BIN3: variants seen among roughly 807,000 people sequenced by gnomAD.
The protein encoded by BIN3 is bridging integrator 3.
BIN3 carries 41 observed loss-of-function variants against 38.2 expected under a neutral mutation model. The ratio of observed to expected loss-of-function variants is 1.07; its 90% CI spans 0.84 to 1.39. BIN3 has a LOEUF of 1.39. BIN3 is among the 40% of genes most tolerant of loss of function. The probability of loss-of-function intolerance (pLI) is 0.00; values close to 1 mark genes in which losing one functional copy is unlikely to be tolerated. For missense variants in BIN3, 361 were observed against 324.3 expected (o/e 1.11, Z -0.87); for synonymous variants, 145 against 122.6 (o/e 1.18, Z -1.21).
intron 2 of BIN3, among the ~76,000 whole-genome samples, chr8:22,637,511 C>T (rs964833901): frequency 1.3e-5 from 2 of 152,220 alleles, no homozygotes; most frequent in African/African-American, 4.8e-5. Flanking sequence ...CAAACACAGA[C>T]ACTGTGACTA....
chr8:22,657,542 A>G (rs1355034827), intron 1 of BIN3, among the ~76,000 whole-genome samples: 1 of 152,268 alleles, frequency 6.6e-6, no homozygotes, highest in Non-Finnish European at 1.5e-5. Flanking sequence ...CCAAGAGGAT[A>G]TATGAAAGGA....
chr8:22,652,869 C>G (rs1802947187), intron 1 of BIN3, among the ~76,000 whole-genome samples: 1 of 152,104 alleles, frequency 6.6e-6, no homozygotes, highest in Non-Finnish European at 1.5e-5. Context: ...TTGGTTGCCT[C>G]TTCATGTGAT....
Position 22,624,605 on chromosome 8 carries a change from G to A in BIN3, c.339-242C>T, listed in dbSNP as rs575671098. On this transcript the variant is annotated intron_variant, in intron 6 of 8. Transcript: ENST00000276416. ...AGGCCCTGTCCCCTGGAGCTTGTGC[G>A]AACGTGGACAATGTCATGGGGTGAG... The A allele has an allele frequency of 6.3e-4, 324 of 511,264 alleles. 1 individual carries two copies. Among genetic ancestry groups the A allele is most frequent in the East Asian group, 2.6e-3 (77 of 29,492 alleles). 31.7% of individuals were successfully genotyped at this position (511,264 alleles called of 1,614,324 possible). A position where few individuals can be genotyped will look rare whatever the true frequency, so the allele number is the denominator to read the frequency against.
chr8:22,625,355 G>A, intron 6 of BIN3: 1 of 702,608 alleles, frequency 1.4e-6, no homozygotes, highest in Non-Finnish European at 2.6e-6. Flanking sequence ...GCAGCCCAGG[G>A]AGCTCATGAC....
chr8:22,664,205 T>C (rs1207563488), intron 1 of BIN3, among the ~76,000 whole-genome samples: 1 of 152,182 alleles, frequency 6.6e-6, no homozygotes, highest in East Asian at 1.9e-4. Flanking sequence ...TTAAAGAGTA[T>C]AATACATATA....
intron 1 of BIN3, among the ~76,000 whole-genome samples, chr8:22,668,362 ACT>A (rs1317245047): frequency 3.3e-5 from 5 of 152,060 alleles, no homozygotes; most frequent in East Asian, 3.9e-4. Flanking sequence ...TGGAATTGTG[ACT>A]CTATTACTCT....
intron 1 of BIN3, among the ~76,000 whole-genome samples, chr8:22,667,727 C>G (rs946754424): frequency 6.6e-6 from 1 of 152,050 alleles, no homozygotes; most frequent in African/African-American, 2.4e-5. Context: ...AAGCTCCTGC[C>G]GGGGCTTATT....
At chr8:22,630,765 C>T (rs988839378) in intron 4 of BIN3, among the ~76,000 whole-genome samples, 187 bp from the exon 5 acceptor site, 1 of 152,208 alleles carries the variant, frequency 6.6e-6, no homozygotes, top group Non-Finnish European at 1.5e-5. Flanking sequence ...AATGTTCATT[C>T]CTGACCCTAA....
intron 4 of BIN3, among the ~76,000 whole-genome samples, chr8:22,633,196 G>A (rs1350844036): frequency 1.3e-5 from 2 of 152,134 alleles, no homozygotes; most frequent in Non-Finnish European, 2.9e-5. Context: ...TTGGCTGGGC[G>A]TAGTGGCTCA....
chr8:22,638,727 A>C (rs747611718), intron 2 of BIN3, among the ~76,000 whole-genome samples: 3 of 152,198 alleles, frequency 2.0e-5, no homozygotes, highest in African/African-American at 4.8e-5. Flanking sequence ...AGCAGGAAAA[A>C]AATGATCTTT....
chr8:22,630,203 C>T (rs1022852038), intron 5 of BIN3, among the ~76,000 whole-genome samples, 199 bp from the exon 6 acceptor site: 19 of 152,326 alleles, frequency 1.2e-4, no homozygotes, highest in African/African-American at 3.4e-4. Context: ...ACAGGACTGC[C>T]GCCGGCAACC....
intron 4 of BIN3, among the ~76,000 whole-genome samples, chr8:22,634,079 C>A (rs1213234314): frequency 6.6e-6 from 1 of 152,250 alleles, no homozygotes; most frequent in African/African-American, 2.4e-5. Context: ...CACACCCTGG[C>A]TTCGTTTATG....
chr8:22,623,473 G>C (rs904204838), intron 8 of BIN3, among the ~76,000 whole-genome samples: 1 of 152,124 alleles, frequency 6.6e-6, no homozygotes, highest in Non-Finnish European at 1.5e-5. Context: ...CAGGACTCCC[G>C]CCGTTTCCTG....
At chr8:22,638,072 G>T (rs202109579) in intron 2 of BIN3, among the ~76,000 whole-genome samples, 1 of 83,712 alleles carries the variant, frequency 1.2e-5, no homozygotes, top group Non-Finnish European at 3.2e-5. Context: ...ACCCAAGAAA[G>T]AAGTCTTCCT....
chr8:22,668,589 G>C (rs1179848008), intron 1 of BIN3, among the ~76,000 whole-genome samples: 1 of 152,238 alleles, frequency 6.6e-6, no homozygotes, highest in Non-Finnish European at 1.5e-5. Flanking sequence ...GTCGTGCAAA[G>C]AGGATAGTTA....
chr8:22,630,711 C>G, intron 4 of BIN3, 133 bp from the exon 5 acceptor site: 2 of 974,638 alleles, frequency 2.1e-6, no homozygotes, highest in Non-Finnish European at 3.0e-6. Flanking sequence ...CCGTCAAGAA[C>G]GGCGAAGTAC....
At chr8:22,642,491 A>G (rs1802595379) in intron 2 of BIN3, among the ~76,000 whole-genome samples, 1 of 152,236 alleles carries the variant, frequency 6.6e-6, no homozygotes, top group Non-Finnish European at 1.5e-5. Flanking sequence ...TCAAAGGCCC[A>G]GCCGACTTTT....
chr8:22,642,226 C>G (rs1232479789), intron 2 of BIN3, among the ~76,000 whole-genome samples: 2 of 152,150 alleles, frequency 1.3e-5, no homozygotes. Flanking sequence ...ACAGCTGCTC[C>G]CCTCCCTGAA....
At chr8:22,660,763 C>G (rs1206250048) in intron 1 of BIN3, among the ~76,000 whole-genome samples, 1 of 152,230 alleles carries the variant, frequency 6.6e-6, no homozygotes, top group African/African-American at 2.4e-5. Flanking sequence ...CACCACTTGG[C>G]TTTGTCAAAT....
Sources: gnomAD v4.1 joint callset for allele counts (sites outside exome capture counted in the v4.1 genomes callset) on GRCh38, gnomAD v4.1.1 for gene constraint, MANE v1.5 for transcripts, NCBI Gene and HGNC (gene_info 2026-07-23, HGNC 2026-07-21) for gene names.